Variants in LRP1B observed in about 807,000 individuals in gnomAD.
LRP1B encodes low-density lipoprotein receptor-related protein 1B.
Under a neutral mutation model 556.6 loss-of-function variants are expected in LRP1B, and 217 were observed. The ratio of observed to expected loss-of-function variants is 0.39; its 90% CI spans 0.35 to 0.44. LRP1B has a LOEUF of 0.44. Among genes scored for constraint, LRP1B ranks in the 20% least tolerant of loss-of-function variants. The probability of loss-of-function intolerance (pLI) is 1.00; values close to 1 mark genes in which losing one functional copy is unlikely to be tolerated. For missense variants in LRP1B, 5,053 were observed against 5,620.8 expected, an observed-to-expected ratio of 0.90 and a Z score of 3.23; for synonymous variants, 2,047 against 1,865.8, an observed-to-expected ratio of 1.10 and a Z score of -2.50.
At chr2:141,285,645 G>A (rs1365343702) in intron 3 of LRP1B, among the ~76,000 whole-genome samples, 3 of 143,346 alleles carry the variant, frequency 2.1e-5, no homozygotes, top group Admixed American at 6.9e-5. Flanking sequence ...TAGTAGAGAC[G>A]GGGATTCACC....
chr2:140,766,144 T>C (rs1296926140), intron 35 of LRP1B, among the ~76,000 whole-genome samples: 1 of 151,674 alleles, frequency 6.6e-6, no homozygotes, highest in Non-Finnish European at 1.5e-5. Flanking sequence ...AAATAAAATA[T>C]CTGCAAAAGA....
chr2:141,718,672 A>G (rs1367610927), intron 2 of LRP1B, among the ~76,000 whole-genome samples: 1 of 152,196 alleles, frequency 6.6e-6, no homozygotes, highest in Non-Finnish European at 1.5e-5. Context: ...CAGCAATGGT[A>G]TGAAAGGTTG....
intron 1 of LRP1B, among the ~76,000 whole-genome samples, chr2:142,022,188 A>G (rs1703348085): frequency 1.3e-5 from 2 of 151,324 alleles, no homozygotes; most frequent in South Asian, 2.2e-4. Flanking sequence ...TCCTAGACCA[A>G]TTAAAATCAT....
intron 63 of LRP1B, among the ~76,000 whole-genome samples, chr2:140,448,623 C>T (rs929053735): frequency 6.6e-6 from 1 of 151,982 alleles, no homozygotes; most frequent in African/African-American, 2.4e-5. Context: ...ATTAGGAAGA[C>T]ATTGTTCAAA....
intron 18 of LRP1B, among the ~76,000 whole-genome samples, chr2:140,963,551 G>C (rs1696103226): frequency 6.6e-6 from 1 of 152,148 alleles, no homozygotes; most frequent in Non-Finnish European, 1.5e-5. Context: ...ATATCTGTCA[G>C]CATCATAAAG....
intron 1 of LRP1B, among the ~76,000 whole-genome samples, chr2:141,870,064 A>T (rs556420914): frequency 6.6e-6 from 1 of 152,012 alleles, no homozygotes; most frequent in Non-Finnish European, 1.5e-5. Flanking sequence ...TAGTCATTCC[A>T]TAACATTTGT....
intron 29 of LRP1B, among the ~76,000 whole-genome samples, chr2:140,843,077 T>G (rs1335485120): frequency 4.0e-3 from 86 of 21,438 alleles, no homozygotes; most frequent in Admixed American, 0.01. Flanking sequence ...GTTTTTTTTT[T>G]TTTGTTTGTT....
At chr2:141,425,279 A>G (rs917551916) in intron 3 of LRP1B, among the ~76,000 whole-genome samples, 10 of 150,776 alleles carry the variant, frequency 6.6e-5, no homozygotes, top group African/African-American at 2.4e-4. Context: ...ATAGTATTCC[A>G]TGGTGTATAT....
intron 7 of LRP1B, among the ~76,000 whole-genome samples, chr2:141,143,219 G>A (rs1026170404): frequency 1.3e-5 from 2 of 152,014 alleles, no homozygotes; most frequent in African/African-American, 4.8e-5. Flanking sequence ...GTGAGCCACC[G>A]CACCCAGAGA....
At chr2:140,512,398 G>A (rs1477637924) in intron 51 of LRP1B, among the ~76,000 whole-genome samples, 1 of 152,094 alleles carries the variant, frequency 6.6e-6, no homozygotes, top group African/African-American at 2.4e-5. Flanking sequence ...CTGCCATCTG[G>A]AGATATACTG....
At chr2:140,253,124 A>G (rs1337979561) in intron 86 of LRP1B, among the ~76,000 whole-genome samples, 1 of 152,018 alleles carries the variant, frequency 6.6e-6, no homozygotes, top group African/African-American at 2.4e-5. Context: ...GTCTGTTGTA[A>G]TAAATTTACT....
At chr2:141,419,295 G>T (rs1036653396) in intron 3 of LRP1B, among the ~76,000 whole-genome samples, 4 of 152,204 alleles carry the variant, frequency 2.6e-5, no homozygotes, top group South Asian at 2.1e-4. Flanking sequence ...TCAGGGTCAT[G>T]CTGGCCTCAT....
chr2:141,787,917 T>C (rs1382713399), intron 2 of LRP1B, among the ~76,000 whole-genome samples: 2 of 152,008 alleles, frequency 1.3e-5, no homozygotes, highest in South Asian at 2.1e-4. Context: ...TAAGTTTATT[T>C]ATGGCTAACA....
At chr2:140,402,148 TC>T (rs1309786478) in intron 66 of LRP1B, among the ~76,000 whole-genome samples, 1 of 152,030 alleles carries the variant, frequency 6.6e-6, no homozygotes, top group Non-Finnish European at 1.5e-5. Flanking sequence ...TCTCAGAAAC[TC>T]CTACTCCCAG....
At chr2:141,307,809 G>T (rs1008211352) in intron 3 of LRP1B, among the ~76,000 whole-genome samples, 1 of 152,150 alleles carries the variant, frequency 6.6e-6, no homozygotes, top group African/African-American at 2.4e-5. Flanking sequence ...CTTCAGATAG[G>T]TTGTCGAGGT....
chr2:141,905,697 T>G (rs888737643), intron 1 of LRP1B, among the ~76,000 whole-genome samples: 5 of 151,352 alleles, frequency 3.3e-5, no homozygotes, highest in African/African-American at 1.2e-4. Flanking sequence ...TGCTTCCATG[T>G]GTGAGAATCA....
At chr2:141,150,869 T>TGTGTGTG (rs1553467366) in intron 7 of LRP1B, among the ~76,000 whole-genome samples, 153 of 138,714 alleles carry the variant, frequency 1.1e-3, no homozygotes, top group East Asian at 4.8e-3. Context: ...TCATGCTGGT[T>TGTGTGTG]TGTGTGTGTG....
intron 1 of LRP1B, among the ~76,000 whole-genome samples, chr2:142,036,275 T>C (rs887050419): frequency 7.9e-5 from 12 of 151,670 alleles, no homozygotes; most frequent in Non-Finnish European, 1.5e-5. Flanking sequence ...TCATAGCCAT[T>C]TTAAGAATGA....
intron 41 of LRP1B, among the ~76,000 whole-genome samples, chr2:140,694,852 A>C (rs1018589791): frequency 2.6e-5 from 4 of 152,054 alleles, no homozygotes; most frequent in African/African-American, 7.2e-5. Context: ...TTTATCAATA[A>C]AGATTACTTT....
Sources: gnomAD v4.1 joint callset for allele counts (sites outside exome capture counted in the v4.1 genomes callset) on GRCh38, gnomAD v4.1.1 for gene constraint, MANE v1.5 for transcripts, NCBI Gene and HGNC (gene_info 2026-07-23, HGNC 2026-07-21) for gene names.